Variants in DENND1B observed in about 807,000 individuals in gnomAD.
DENND1B encodes the protein DENN domain-containing protein 1B.
Under a neutral mutation model 90.1 loss-of-function variants are expected in DENND1B, and 59 were observed. The ratio of observed to expected loss-of-function variants is 0.65; its 90% CI spans 0.53 to 0.81. DENND1B has a LOEUF of 0.81. Ranked by LOEUF, DENND1B falls within the 40% of genes least tolerant of loss-of-function variation. DENND1B has a pLI of 0.00. For missense variants in DENND1B, 862 were observed against 912.6 expected, an observed-to-expected ratio of 0.94 and a Z score of 0.71; for synonymous variants, 337 against 324.6, an observed-to-expected ratio of 1.04 and a Z score of -0.41.
intron 15 of DENND1B, among the ~76,000 whole-genome samples, chr1:197,569,594 AC>A (rs1672979550): frequency 7.2e-6 from 1 of 138,162 alleles, no homozygotes; most frequent in African/African-American, 2.7e-5. Context: ...ACACACACAC[AC>A]AATGGAACAC....
intron 3 of DENND1B, among the ~76,000 whole-genome samples, chr1:197,691,145 A>T (rs1266763575): frequency 6.6e-6 from 1 of 151,988 alleles, no homozygotes; most frequent in Non-Finnish European, 1.5e-5. Flanking sequence ...CACCTCAAAG[A>T]AAACATCCTG....
chr1:197,625,326 C>G (rs1218502706), intron 10 of DENND1B, among the ~76,000 whole-genome samples: 3 of 150,036 alleles, frequency 2.0e-5, no homozygotes, highest in African/African-American at 7.4e-5. Flanking sequence ...TCAGCAGAAA[C>G]GCTACAAGCC....
At chr1:197,752,906 T>TA (rs899494726) in intron 2 of DENND1B, among the ~76,000 whole-genome samples, 3 of 152,010 alleles carry the variant, frequency 2.0e-5, no homozygotes, top group African/African-American at 7.3e-5. Flanking sequence ...GTCTTTGTGA[T>TA]AGTTTGCTCA....
At position 197,587,189 on chromosome 1, in the gene DENND1B, G is replaced by T. The variant is rs539306927; in HGVS notation, c.1048-3936C>A. ...GTTGATCAATCTACTTACAGAAAACGACTTATGCAATTGAGAAATACCCAT... is the reference window on the plus strand; with the variant it reads ...GTTGATCAATCTACTTACAGAAAACTACTTATGCAATTGAGAAATACCCAT... On this transcript the variant is annotated intron_variant, in intron 14 of 22. Transcript: ENST00000620048. 2.0e-5 allele frequency among the ~76,000 whole-genome samples: 3 copies of T among 152,086 alleles called. No homozygotes were observed. The East Asian group carries it at 5.8e-4, about 29-fold the overall frequency.
At chr1:197,756,190 T>C (rs550251026) in intron 2 of DENND1B, among the ~76,000 whole-genome samples, 1 of 152,336 alleles carries the variant, frequency 6.6e-6, no homozygotes, top group East Asian at 1.9e-4. Context: ...AACTGATTGA[T>C]AGAATTAATA....
chr1:197,754,119 TA>T (rs1653944691), intron 2 of DENND1B, among the ~76,000 whole-genome samples: 3 of 152,060 alleles, frequency 2.0e-5, no homozygotes, highest in African/African-American at 7.2e-5. Context: ...TATTGACTAT[TA>T]AAATTATGTT....
Position 197,553,127 on chromosome 1 carries a change from T to C in DENND1B, c.1150-15A>G. 6.6e-7 allele frequency: 1 copy of C among 1,520,830 alleles called. No homozygotes were observed. Among genetic ancestry groups the C allele is most frequent in the Non-Finnish European group, 8.8e-7 (1 of 1,137,060 alleles). 94.2% of individuals were successfully genotyped at this position (1,520,830 alleles called of 1,614,324 possible). On this transcript the variant is annotated splice_polypyrimidine_tract_variant and intron_variant, in intron 15 of 22. Coordinates refer to ENST00000620048, the MANE Select transcript of DENND1B (RefSeq NM_001195215.2). ...CCATCGATAAACTAGAATTAAAAAG[T>C]GTCAAATAAAATGTATCAAATAAAA...
rs567637610 is a variant in DENND1B, at chr1:197,563,602, A to C, written c.1150-10490T>G. On this transcript the variant is annotated intron_variant, in intron 15 of 22. Coordinates refer to ENST00000620048, the MANE Select transcript of DENND1B (RefSeq NM_001195215.2). ...CCCAAGAAACTCTAATGAGATATAA[A>C]AGGAGATTAATGTTGTTTTCATGCC... is the stretch of plus-strand genomic sequence containing the variant. Among the ~76,000 whole-genome samples the C allele has an allele frequency of 2.6e-5, 4 of 152,090 alleles. No individual in the cohort carries two copies. In the East Asian group the frequency reaches 7.8e-4, roughly 30 times the overall value.
chr1:197,667,055 A>G (rs957312124), intron 5 of DENND1B, among the ~76,000 whole-genome samples: 14 of 151,060 alleles, frequency 9.3e-5, no homozygotes, highest in African/African-American at 3.4e-4. Flanking sequence ...AATCGGTTGA[A>G]CCCGAGAGGC....
intron 1 of DENND1B, among the ~76,000 whole-genome samples, chr1:197,774,140 A>T (rs1030927011): frequency 6.6e-6 from 1 of 152,238 alleles, no homozygotes; most frequent in African/African-American, 2.4e-5. Flanking sequence ...GTCAAGAAGC[A>T]TACTATTTTT....
chr1:197,560,870 T>C (rs1228739930), intron 15 of DENND1B, among the ~76,000 whole-genome samples: 1 of 151,892 alleles, frequency 6.6e-6, no homozygotes, highest in African/African-American at 2.4e-5. Context: ...TGACGATCTT[T>C]CTTCCTAATT....
rs563842796 is a variant in DENND1B, at chr1:197,589,391, C to A, written c.1047+5817G>T. Among the ~76,000 whole-genome samples the A allele has an allele frequency of 5.3e-5, 8 of 152,226 alleles. No homozygotes were observed. In the East Asian group the frequency reaches 1.5e-3, roughly 29 times the overall value. ...TATCCATTAAAAAGCCAGATGCACA[C>A]CAAATATTTCTTTGGTGGTAACCAT... On this transcript the variant is annotated intron_variant, in intron 14 of 22. Coordinates refer to ENST00000620048, the MANE Select transcript of DENND1B (RefSeq NM_001195215.2).
intron 12 of DENND1B, among the ~76,000 whole-genome samples, chr1:197,611,451 C>T: frequency 6.6e-6 from 1 of 150,768 alleles, no homozygotes; most frequent in South Asian, 2.1e-4. Context: ...AAAATTAAAA[C>T]TTAAGGCTAT....
At chr1:197,545,359 C>T (rs957241347) in intron 18 of DENND1B, among the ~76,000 whole-genome samples, 12 of 151,794 alleles carry the variant, frequency 7.9e-5, no homozygotes, top group Non-Finnish European at 1.5e-4. Flanking sequence ...GAGCCGAGAT[C>T]GTGCCACTGC....
chr1:197,610,667 G>A (rs1420040038), intron 12 of DENND1B, among the ~76,000 whole-genome samples: 2 of 150,666 alleles, frequency 1.3e-5, no homozygotes, highest in Non-Finnish European at 3.0e-5. Context: ...TACATTAAAT[G>A]CTAGTCATAT....
chr1:197,638,751 A>C (rs1680010963), intron 10 of DENND1B, among the ~76,000 whole-genome samples: 3 of 152,178 alleles, frequency 2.0e-5, no homozygotes, highest in African/African-American at 7.2e-5. Flanking sequence ...CTTGGGGCTT[A>C]AACATCTATG....
intron 3 of DENND1B, 86 bp downstream of exon 3, chr1:197,714,945 A>G: frequency 2.1e-6 from 2 of 952,674 alleles, no homozygotes; most frequent in Non-Finnish European, 3.4e-6. Flanking sequence ...GTTCACTAGT[A>G]GTTATACTAG....
intron 20 of DENND1B, among the ~76,000 whole-genome samples, chr1:197,522,969 T>C (rs1005118332): frequency 1.3e-5 from 2 of 152,110 alleles, no homozygotes; most frequent in African/African-American, 2.4e-5. Flanking sequence ...CAGGGGGAGT[T>C]TGCACACGCA....
chr1:197,641,405 T>C (rs1009346201), intron 10 of DENND1B, among the ~76,000 whole-genome samples: 6 of 152,302 alleles, frequency 3.9e-5, no homozygotes, highest in Admixed American at 6.5e-5. Flanking sequence ...ACTGAATTTC[T>C]TGACATCTCT....
Sources: allele counts gnomAD v4.1 joint callset (sites outside exome capture counted in the v4.1 genomes callset), GRCh38; gene constraint gnomAD v4.1.1; transcripts MANE v1.5; gene names NCBI Gene and HGNC (gene_info 2026-07-23, HGNC 2026-07-21).